Variants in SF3B3 observed in about 807,000 individuals in gnomAD.
SF3B3 encodes SAP 130.
In SF3B3, 33 loss-of-function variants were observed where a neutral mutation model predicts 139.2. That is an observed-to-expected ratio of 0.24 (90% confidence interval 0.18 to 0.32). SF3B3 has a LOEUF of 0.32. Ranked by LOEUF, SF3B3 falls within the 10% of genes least tolerant of loss-of-function variation. The probability of loss-of-function intolerance (pLI) is 1.00; values close to 1 mark genes in which losing one functional copy is unlikely to be tolerated. For missense variants in SF3B3, 818 were observed against 1,509.4 expected (o/e 0.54, Z 7.59); for synonymous variants, 596 against 563.6 (o/e 1.06, Z -0.81).
intron 3 of SF3B3, among the ~76,000 whole-genome samples, chr16:70,530,230 A>G (rs2050108217): frequency 1.3e-5 from 2 of 151,802 alleles, no homozygotes; most frequent in African/African-American, 2.4e-5. Flanking sequence ...CCTGGGCTCA[A>G]GCAATCCTTC....
At chr16:70,550,580 C>T (rs1408053403) in intron 11 of SF3B3, 1 of 812,788 alleles carries the variant, frequency 1.2e-6, no homozygotes, top group Non-Finnish European at 1.5e-6. Context: ...GTCTTCCAGG[C>T]AAATACTAAC....
Position 70,565,088 on chromosome 16 carries a change from G to A in SF3B3, c.2487G>A (p.Glu829=). The A allele has an allele frequency of 1.2e-6, 2 of 1,613,706 alleles. No homozygotes were observed. Among genetic ancestry groups the A allele is most frequent in the Non-Finnish European group, 1.7e-6 (2 of 1,180,050 alleles). The change falls in exon 19 of 26, where the codon GAG becomes GAA. Residue 829 remains glutamate, a synonymous_variant. Coordinates refer to ENST00000302516, the MANE Select transcript of SF3B3 (RefSeq NM_012426.5). ...MAEEMVEAAG[E]DERELAAEMA... ...AGGAAATGGTGGAAGCAGCAGGGGA[G>A]GATGAGCGGGAGCTGGCCGCAGAGA...
chr16:70,568,199 T>C, intron 21 of SF3B3, 84 bp from the exon 22 acceptor site: 1 of 1,025,524 alleles, frequency 9.8e-7, no homozygotes, highest in East Asian at 2.4e-5. Flanking sequence ...TGACCCTACG[T>C]ATGTCATACG....
In SF3B3 at chr16:70,543,368, C is replaced by G. The variant is rs1157650839; in HGVS notation, c.1234-1070C>G. ...GAGGTTGCGGTGAGCTGAGATCACA[C>G]CATTGTACTCCAGCCTGGGTAACGA... On this transcript the variant is annotated intron_variant, in intron 9 of 25. Coordinates refer to ENST00000302516, the MANE Select transcript of SF3B3 (RefSeq NM_012426.5). Among the ~76,000 whole-genome samples the G allele has an allele frequency of 4.0e-5, 6 of 150,526 alleles. No individual in the cohort carries two copies. The East Asian group carries it at 7.9e-4, about 20-fold the overall frequency.
intron 21 of SF3B3, 116 bp downstream of exon 21, chr16:70,567,652 C>T (rs1025065664): frequency 2.6e-5 from 32 of 1,236,336 alleles, no homozygotes; most frequent in Middle Eastern, 4.6e-4. Context: ...TGTTGTGTTA[C>T]CCCAATTCCA....
At chr16:70,539,331 T>C in intron 8 of SF3B3, 124 bp downstream of exon 8, 1 of 708,690 alleles carries the variant, frequency 1.4e-6, no homozygotes, top group Non-Finnish European at 2.6e-6. Flanking sequence ...GTGAATCACC[T>C]GAGGTAAGGA....
At chr16:70,569,943 C>A in intron 23 of SF3B3, 63 bp from the exon 24 acceptor site, 1 of 1,595,504 alleles carries the variant, frequency 6.3e-7, no homozygotes, top group Non-Finnish European at 8.6e-7. Flanking sequence ...CACTGCTTGC[C>A]CTTGGGAGTC....
rs542724668 is a variant in SF3B3, at chr16:70,542,234, T to C, written c.1233+400T>C. 2.0e-5 allele frequency among the ~76,000 whole-genome samples: 3 copies of C among 152,374 alleles called. No homozygotes were observed. In the East Asian group the frequency reaches 5.8e-4, roughly 29 times the overall value. On this transcript the variant is annotated intron_variant, in intron 9 of 25. Coordinates refer to ENST00000302516, the MANE Select transcript of SF3B3 (RefSeq NM_012426.5). ...GTATATGTTTATGTGTTATATCTTT[T>C]TCTTTTTAAAATAAGTGGATTCATA...
chr16:70,545,521 T>C (rs1415366431), intron 10 of SF3B3, among the ~76,000 whole-genome samples: 5 of 152,230 alleles, frequency 3.3e-5, no homozygotes, highest in African/African-American at 4.8e-5. Flanking sequence ...GTAGTCCTAA[T>C]GTTAATGCTT....
At chr16:70,560,345 A>G in intron 15 of SF3B3, 124 bp from the exon 16 acceptor site, 1 of 995,582 alleles carries the variant, frequency 1.0e-6, no homozygotes, top group Non-Finnish European at 1.4e-6. Context: ...GATCTTTTTT[A>G]AACACCCAAG....
intron 11 of SF3B3, chr16:70,550,763 G>C (rs907026817): frequency 6.3e-6 from 4 of 632,894 alleles, no homozygotes; most frequent in African/African-American, 2.0e-5. Context: ...AGGCTGCCCT[G>C]ATGGTGTCTT....
At chr16:70,534,953 A>T (rs2050152674) in intron 5 of SF3B3, among the ~76,000 whole-genome samples, 2 of 152,220 alleles carry the variant, frequency 1.3e-5, no homozygotes, top group African/African-American at 4.8e-5. Context: ...GGCATGAGCC[A>T]CCATGCCCAG....
At position 70,572,122 on chromosome 16, in the gene SF3B3, A is replaced by G. The variant is rs376340755; in HGVS notation, c.*309A>G. On this transcript the variant is annotated 3_prime_UTR_variant, in exon 26 of 26. Transcript: ENST00000302516. ...TTGATATGTCTTGACTCTCCTGTCT[A>G]CTTTTGCACACACCCTTAATTTTTA... 6 of 550,662 alleles carry G rather than the reference A, an allele frequency of 1.1e-5. No homozygotes were observed. Among genetic ancestry groups the G allele is most frequent in the African/African-American group, 9.3e-5 (5 of 53,580 alleles). 34.1% of individuals were successfully genotyped at this position (550,662 alleles called of 1,614,324 possible).
chr16:70,562,969 G>A (rs1210941092), intron 17 of SF3B3, among the ~76,000 whole-genome samples: 4 of 152,134 alleles, frequency 2.6e-5, no homozygotes, highest in African/African-American at 7.2e-5. Context: ...TGGTGGGACT[G>A]TAGGCGCATG....
At chr16:70,561,834 G>T (rs145033071) in intron 17 of SF3B3, 50 bp downstream of exon 17, 2 of 1,532,202 alleles carry the variant, frequency 1.3e-6, no homozygotes, top group Admixed American at 1.7e-5. Context: ...TCTGCCAAGG[G>T]CTCAGACTGG....
At chr16:70,552,871 G>A (rs185545261) in intron 11 of SF3B3, among the ~76,000 whole-genome samples, 9 of 152,286 alleles carry the variant, frequency 5.9e-5, no homozygotes, top group Admixed American at 2.0e-4. Context: ...TTTACGTCCT[G>A]CTAATAGGGC....
At chr16:70,559,096 T>A (rs981092912) in intron 15 of SF3B3, among the ~76,000 whole-genome samples, 1 of 152,188 alleles carries the variant, frequency 6.6e-6, no homozygotes, top group East Asian at 1.9e-4. Flanking sequence ...GATGTTGGGA[T>A]GTTTGTCTGT....
At chr16:70,538,969 C>A in intron 7 of SF3B3, 135 bp from the exon 8 acceptor site, 1 of 674,660 alleles carries the variant, frequency 1.5e-6, no homozygotes, top group Non-Finnish European at 2.7e-6. Flanking sequence ...GCATGACTGG[C>A]CCATGAGCCG....
At chr16:70,565,756 A>T (rs150768503) in intron 20 of SF3B3, 1 of 490,778 alleles carries the variant, frequency 2.0e-6, no homozygotes, top group East Asian at 3.3e-5. Context: ...TGCACATTCA[A>T]TTGGTCTCTT....
Sources: allele counts gnomAD v4.1 joint callset (sites outside exome capture counted in the v4.1 genomes callset), GRCh38; gene constraint gnomAD v4.1.1; transcripts MANE v1.5; gene names NCBI Gene and HGNC (gene_info 2026-07-23, HGNC 2026-07-21).